Variants in CRPPA observed in about 807,000 individuals in gnomAD.
The protein encoded by CRPPA is CDP-L-ribitol pyrophosphorylase A, also known as D-ribitol-5-phosphate cytidylyltransferase.
Under a neutral mutation model 52.0 loss-of-function variants are expected in CRPPA, and 43 were observed. The ratio of observed to expected loss-of-function variants is 0.83; its 90% CI spans 0.65 to 1.07. CRPPA has a LOEUF of 1.07. CRPPA is among the 50% of genes least tolerant of loss of function. The pLI is 0.00. For synonymous variants in CRPPA, 250 were observed against 203.5 expected, an observed-to-expected ratio of 1.23 and a Z score of -1.94; for missense variants, 629 against 551.7, an observed-to-expected ratio of 1.14 and a Z score of -1.40.
intron 2 of CRPPA, among the ~76,000 whole-genome samples, chr7:16,397,140 CGT>C (rs1787607434): frequency 6.6e-6 from 1 of 152,242 alleles, no homozygotes; most frequent in South Asian, 2.1e-4. Context: ...GTTAGAGATG[CGT>C]GTCTGACACA....
rs2128359441 is a variant in CRPPA, at chr7:16,087,543, A to C, written c.*4152T>G. 6.6e-6 allele frequency: 1 copy of C among 151,948 alleles called. No homozygotes were observed. The highest frequency in any genetic ancestry group is 2.1e-4 in the South Asian group (1 of 4,826). 9.4% of individuals were successfully genotyped at this position (151,948 alleles called of 1,614,324 possible). A position where few individuals can be genotyped will look rare whatever the true frequency, so the allele number is the denominator to read the frequency against. Reference sequence around the variant, plus strand: ...AATGCCATTAGATTTTAAATCAATAATTTATTTACATTTTGTTTTGTAAAA... The same window carrying C: ...AATGCCATTAGATTTTAAATCAATACTTTATTTACATTTTGTTTTGTAAAA... On this transcript the variant is annotated 3_prime_UTR_variant, in exon 10 of 10. Transcript: ENST00000407010.
At chr7:16,262,020 G>T (rs930949759) in intron 6 of CRPPA, 1 of 151,974 alleles carries the variant, frequency 6.6e-6, no homozygotes, top group Non-Finnish European at 1.5e-5. Flanking sequence ...ACTATCCTAC[G>T]TTTTGCTTGT....
chr7:16,238,655 T>A (rs1041845907), intron 8 of CRPPA, among the ~76,000 whole-genome samples: 1 of 152,154 alleles, frequency 6.6e-6, no homozygotes, highest in Admixed American at 6.6e-5. Context: ...AGTCTTGTGA[T>A]AAGAATTAAC....
chr7:16,273,169 A>G (rs1416627388), intron 6 of CRPPA, among the ~76,000 whole-genome samples: 1 of 147,736 alleles, frequency 6.8e-6, no homozygotes, highest in African/African-American at 2.5e-5. Context: ...GTACTGATAC[A>G]AACAGGAGAC....
intron 9 of CRPPA, among the ~76,000 whole-genome samples, chr7:16,114,696 A>G (rs987932): frequency 0.32 from 48,272 of 151,774 alleles, 8,495 homozygotes; most frequent in Admixed American, 0.41. Flanking sequence ...AGTAATGAAG[A>G]GGAAAAGAAA....
At chr7:16,289,111 T>C (rs937028623) in intron 5 of CRPPA, among the ~76,000 whole-genome samples, 6 of 151,974 alleles carry the variant, frequency 3.9e-5, no homozygotes, top group African/African-American at 9.7e-5. Context: ...TTAGAGGAAG[T>C]TGTTAAATTC....
At chr7:16,275,619 G>A (rs892095211) in intron 6 of CRPPA, among the ~76,000 whole-genome samples, 7 of 152,098 alleles carry the variant, frequency 4.6e-5, no homozygotes, top group Admixed American at 4.6e-4. Flanking sequence ...CTTGAGGCCA[G>A]GAGTTTGAGA....
At chr7:16,345,724 T>C (rs1041269904) in intron 3 of CRPPA, among the ~76,000 whole-genome samples, 60 of 150,498 alleles carry the variant, frequency 4.0e-4, no homozygotes, top group African/African-American at 1.3e-3. Flanking sequence ...AGCTGTTAGT[T>C]TGGCAACTCT....
chr7:16,290,114 A>G (rs1784528862), intron 5 of CRPPA, among the ~76,000 whole-genome samples: 1 of 152,112 alleles, frequency 6.6e-6, no homozygotes, highest in South Asian at 2.1e-4. Flanking sequence ...AGGCCTCTAC[A>G]ACAAAAACTA....
chr7:16,188,517 T>C (rs1169939450), intron 9 of CRPPA, among the ~76,000 whole-genome samples: 1 of 152,198 alleles, frequency 6.6e-6, no homozygotes, highest in Non-Finnish European at 1.5e-5. Context: ...GAAATCAGAC[T>C]GGCTTGGGAT....
chr7:16,408,546 T>C (rs1788008219), intron 1 of CRPPA, among the ~76,000 whole-genome samples: 1 of 152,126 alleles, frequency 6.6e-6, no homozygotes, highest in Non-Finnish European at 1.5e-5. Flanking sequence ...AAAAAGAGGA[T>C]AGGCAGCCAT....
chr7:16,269,826 T>C (rs1237373539), intron 6 of CRPPA: 2 of 152,142 alleles, frequency 1.3e-5, no homozygotes, highest in African/African-American at 4.8e-5. Context: ...ATAAAATACA[T>C]TTCCAAACTC....
chr7:16,123,707 C>T (rs942266582), intron 9 of CRPPA, among the ~76,000 whole-genome samples: 4 of 151,976 alleles, frequency 2.6e-5, no homozygotes, highest in Non-Finnish European at 4.4e-5. Context: ...ATCCGTGAGT[C>T]GAGGATTTAA....
intron 2 of CRPPA, among the ~76,000 whole-genome samples, chr7:16,399,323 C>T (rs568937957): frequency 7.9e-5 from 12 of 152,144 alleles, no homozygotes; most frequent in East Asian, 1.9e-4. Context: ...GTGACCAACA[C>T]GTGACCAGAG....
chr7:16,314,024 A>G (rs1047833933), intron 3 of CRPPA, among the ~76,000 whole-genome samples: 1 of 151,980 alleles, frequency 6.6e-6, no homozygotes, highest in African/African-American at 2.4e-5. Context: ...CAGTTGATTT[A>G]TAGTGTTACT....
chr7:16,383,130 C>T (rs57045373), intron 2 of CRPPA, among the ~76,000 whole-genome samples: 43,122 of 151,900 alleles, frequency 0.28, 6,348 homozygotes, highest in South Asian at 0.38. Flanking sequence ...GTTTTATCTA[C>T]TTTTGGTCTT....
intron 3 of CRPPA, among the ~76,000 whole-genome samples, chr7:16,335,697 G>T (rs372686398): frequency 2.0e-5 from 3 of 152,234 alleles, no homozygotes; most frequent in African/African-American, 4.8e-5. Flanking sequence ...AAAGAAAAAG[G>T]CCTGGAAAGC....
At chr7:16,358,711 G>C (rs889569123) in intron 3 of CRPPA, among the ~76,000 whole-genome samples, 2 of 152,040 alleles carry the variant, frequency 1.3e-5, no homozygotes, top group African/African-American at 4.8e-5. Context: ...CAGGTATCTT[G>C]GCATTCAACA....
chr7:16,408,975 C>T (rs1460066823), intron 1 of CRPPA, among the ~76,000 whole-genome samples: 1 of 152,184 alleles, frequency 6.6e-6, no homozygotes, highest in Non-Finnish European at 1.5e-5. Flanking sequence ...AATCTTGGCT[C>T]ACTGCAACCT....
Sources: allele counts gnomAD v4.1 joint callset (sites outside exome capture counted in the v4.1 genomes callset), GRCh38; gene constraint gnomAD v4.1.1; transcripts MANE v1.5; gene names NCBI Gene and HGNC (gene_info 2026-07-23, HGNC 2026-07-21).